The following VDAC1 variants were observed in gnomAD, a reference collection of about 807,000 sequenced individuals.
VDAC1 encodes the protein voltage dependent anion channel 1.
A neutral mutation model predicts 34.7 loss-of-function variants in VDAC1; 10 were observed. The observed-to-expected ratio is 0.29, with a 90% CI of 0.18 to 0.49. VDAC1 has a LOEUF of 0.49. Ranked by LOEUF, VDAC1 falls within the 20% of genes least tolerant of loss-of-function variation. The pLI is 0.99. For synonymous variants in VDAC1, 130 were observed against 136.0 expected (o/e 0.96, Z 0.30); for missense variants, 230 against 347.9 (o/e 0.66, Z 2.69).
At chr5:134,090,737 T>G in the VDAC1 span, among the ~76,000 whole-genome samples, 5 of 152,254 alleles carry the variant, frequency 3.3e-5, no homozygotes, top group East Asian at 9.6e-4. Context: ...CGAATGCTTC[T>G]AAAAATATGG....
chr5:134,024,799 G>C, the VDAC1 span, among the ~76,000 whole-genome samples: 1 of 152,200 alleles, frequency 6.6e-6, no homozygotes, highest in East Asian at 1.9e-4. Context: ...TCTGTTCTCT[G>C]CTCTTATAGC....
At chr5:134,087,291 C>T in the VDAC1 span, among the ~76,000 whole-genome samples, 15 of 151,932 alleles carry the variant, frequency 9.9e-5, no homozygotes, top group African/African-American at 1.7e-4. Flanking sequence ...GGAGGGGAGG[C>T]GGATTGCTGA....
chr5:134,055,588 G>GTTTTTTTTTTTTTTTTTTTTTTT, the VDAC1 span, among the ~76,000 whole-genome samples: 3 of 59,616 alleles, frequency 5.0e-5, no homozygotes, highest in South Asian at 1.0e-3. Flanking sequence ...CCCCGCTAAT[G>GTTTTTTTTTTTTTTTTTTTTTTT]TTTTTTTTTT....
At chr5:134,102,702 TA>T in the VDAC1 span, among the ~76,000 whole-genome samples, 6 of 152,154 alleles carry the variant, frequency 3.9e-5, no homozygotes, top group Non-Finnish European at 8.8e-5. Flanking sequence ...CATTAAATAA[TA>T]TTTTTTTAAT....
chr5:134,039,451 T>C, the VDAC1 span, among the ~76,000 whole-genome samples: 23 of 152,244 alleles, frequency 1.5e-4, no homozygotes, highest in South Asian at 2.1e-4. Flanking sequence ...GCCTCAGCCT[T>C]CTGAGTAGCT....
chr5:134,016,848 A>G, the VDAC1 span, among the ~76,000 whole-genome samples: 2 of 152,230 alleles, frequency 1.3e-5, no homozygotes, highest in African/African-American at 4.8e-5. Context: ...TACACACTGC[A>G]TCAGCACAGG....
the VDAC1 span, among the ~76,000 whole-genome samples, chr5:134,053,071 C>T: frequency 1.3e-5 from 2 of 151,954 alleles, no homozygotes; most frequent in South Asian, 2.1e-4. Context: ...GCTGAGATAG[C>T]GCCATTGCAC....
At chr5:134,016,784 G>A in the VDAC1 span, among the ~76,000 whole-genome samples, 1 of 152,252 alleles carries the variant, frequency 6.6e-6, no homozygotes, top group Non-Finnish European at 1.5e-5. Context: ...GCTGCACAGG[G>A]TGCTGGCTTT....
At chr5:134,056,400 T>A in the VDAC1 span, among the ~76,000 whole-genome samples, 4 of 152,214 alleles carry the variant, frequency 2.6e-5, no homozygotes, top group East Asian at 1.9e-4. Context: ...TTGCCTTTTT[T>A]ACTTTTTTAC....
At chr5:134,057,072 C>T in the VDAC1 span, among the ~76,000 whole-genome samples, 2 of 151,810 alleles carry the variant, frequency 1.3e-5, no homozygotes, top group African/African-American at 4.9e-5. Context: ...CAGTGGCTCA[C>T]ACCTATAATT....
At chr5:134,103,509 C>T in the VDAC1 span, among the ~76,000 whole-genome samples, 1 of 152,206 alleles carries the variant, frequency 6.6e-6, no homozygotes, top group East Asian at 1.9e-4. Flanking sequence ...ATCGACTCCC[C>T]TCTGCAAGGG....
Position 133,972,821 on chromosome 5 carries a change from C to T in VDAC1, c.802G>A (p.Val268Ile), listed in dbSNP as rs774989304. 14 of 1,613,698 alleles carry T rather than the reference C, an allele frequency of 8.7e-6. No individual in the cohort carries two copies. Among genetic ancestry groups the T allele is most frequent in the Middle Eastern group, 1.6e-4 (1 of 6,074 alleles). The change falls in exon 9 of 9, where the codon GTC becomes ATC. Residue 268 changes from valine to isoleucine, a missense_variant. Physicochemically the swap from Val to Ile is conservative, Grantham distance 29. Transcript: ENST00000265333. ...TLSALLDGKN[V>I]NAGGHKLGLG... is the part of the protein sequence containing the mutation. ...CCAAGCTTGTGGCCACCAGCATTGA[C>T]GTTCTTGCCATCCAGAAGAGCTGAC...
At chr5:134,032,124 C>CAAAAAAAAAAA in the VDAC1 span, among the ~76,000 whole-genome samples, 4,565 of 36,076 alleles carry the variant, frequency 0.13, 855 homozygotes, top group East Asian at 0.48. Context: ...CTCTGCCTCA[C>CAAAAAAAAAAA]AAAAAAAAAA....
the VDAC1 span, among the ~76,000 whole-genome samples, chr5:134,095,065 G>C: frequency 3.7e-5 from 2 of 53,966 alleles, no homozygotes; most frequent in Non-Finnish European, 8.7e-5. Context: ...GCCAATAGAC[G>C]TGCCATGTAA....
the VDAC1 span, among the ~76,000 whole-genome samples, chr5:134,079,065 C>T: frequency 2.0e-5 from 3 of 151,952 alleles, no homozygotes; most frequent in East Asian, 5.8e-4. Flanking sequence ...CTCTGCCTCC[C>T]AGGCTCAACT....
At chr5:134,072,088 G>A in the VDAC1 span, among the ~76,000 whole-genome samples, 2 of 152,012 alleles carry the variant, frequency 1.3e-5, no homozygotes, top group South Asian at 4.1e-4. Context: ...CTCGCCCTAG[G>A]GTCCAGCCCA....
intron 8 of VDAC1, 93 bp from the exon 9 acceptor site, chr5:133,972,955 GTAT>G: frequency 9.2e-7 from 1 of 1,089,360 alleles, no homozygotes; most frequent in Non-Finnish European, 1.4e-6. Context: ...CCTGTTCCAG[GTAT>G]TATCAGCAGG....
At chr5:134,024,540 GA>G in the VDAC1 span, among the ~76,000 whole-genome samples, 209 of 76,886 alleles carry the variant, frequency 2.7e-3, no homozygotes, top group Middle Eastern at 0.014. Flanking sequence ...AAAAAAAAAA[GA>G]AAAAAAAAAA....
the VDAC1 span, among the ~76,000 whole-genome samples, chr5:134,098,561 C>T: frequency 6.6e-6 from 1 of 152,340 alleles, no homozygotes; most frequent in African/African-American, 2.4e-5. Flanking sequence ...CTCTGCTAAC[C>T]TCTGACAATG....
Sources: gnomAD v4.1 joint callset for allele counts (sites outside exome capture counted in the v4.1 genomes callset) on GRCh38, gnomAD v4.1.1 for gene constraint, MANE v1.5 for transcripts, NCBI Gene and HGNC (gene_info 2026-07-23, HGNC 2026-07-21) for gene names.